KCNJ15: variants seen among roughly 807,000 people sequenced by gnomAD.
KCNJ15 encodes potassium inwardly rectifying channel subfamily J member 15, also known as ATP-sensitive inward rectifier potassium channel 15.
In KCNJ15, 14 loss-of-function variants were observed where a neutral mutation model predicts 23.0. The ratio of observed to expected loss-of-function variants is 0.61; its 90% confidence interval spans 0.40 to 0.95. The LOEUF (loss-of-function observed/expected upper bound fraction) is 0.95. Ranked by LOEUF, KCNJ15 falls within the 40% of genes least tolerant of loss-of-function variation. The pLI is 0.00. For synonymous variants in KCNJ15, 185 were observed against 183.2 expected (o/e 1.01, Z -0.08); for missense variants, 388 against 461.8 (o/e 0.84, Z 1.46).
intron 1 of KCNJ15, among the ~76,000 whole-genome samples, chr21:38,286,715 C>T (rs1983954241): frequency 6.6e-6 from 1 of 152,184 alleles, no homozygotes; most frequent in Non-Finnish European, 1.5e-5. Flanking sequence ...ACTTCATCCA[C>T]AGTCAGATTT....
In KCNJ15 at chr21:38,301,143, C is replaced by G. The variant is rs747503810; in HGVS notation, c.*754C>G. The G allele has an allele frequency of 6.0e-6, 1 of 167,032 alleles. No individual in the cohort carries two copies. 10.3% of individuals were successfully genotyped at this position (167,032 alleles called of 1,614,324 possible). A position where few individuals can be genotyped will look rare whatever the true frequency, so the allele number is the denominator to read the frequency against. ...ACAGACCCGCCACATCAGCACCATC[C>G]GAGAGCTTATTAGTAATGTGTAGAT... On this transcript the variant is annotated 3_prime_UTR_variant, in exon 3 of 3. Transcript: ENST00000398938.
chr21:38,238,881 C>T (rs1431387290), intron 1 of KCNJ15, among the ~76,000 whole-genome samples: 8 of 152,330 alleles, frequency 5.3e-5, no homozygotes, highest in Admixed American at 4.6e-4. Context: ...TAACCTTTCT[C>T]TCTCTCTCAC....
chr21:38,288,030 G>GTTTTTTTTTTTTTTTTTTTTTTTTT (rs71184612), intron 1 of KCNJ15, among the ~76,000 whole-genome samples: 1 of 81,424 alleles, frequency 1.2e-5, no homozygotes, highest in Non-Finnish European at 2.1e-5. Flanking sequence ...TTTTTTCTTT[G>GTTTTTTTTTTTTTTTTTTTTTTTTT]TTTTTTTTTT....
chr21:38,238,711 A>T, intron 1 of KCNJ15: 1 of 424,344 alleles, frequency 2.4e-6, no homozygotes, highest in Non-Finnish European at 4.5e-6. Flanking sequence ...CCTCTGAAAG[A>T]TTGTTCAGAA....
rs1326348009 is a variant in KCNJ15 at position 38,299,583 on chromosome 21, A to C, written c.322A>C (p.Ile108Leu). Reference protein sequence around the residue: ...GEPISNHTPCIMKVDSLTGAF... With the variant: ...GEPISNHTPCLMKVDSLTGAF... ...GCCCATTTCAAATCATACCCCCTGC[A>C]TCATGAAAGTGGACTCTCTCACTGG... Residue 108 changes from isoleucine (I) to leucine (L), a missense_variant, in exon 3 of 3, where the codon ATC (isoleucine) becomes CTC (leucine). Transcript: ENST00000398938. This position sits in a 1 kb window ranked among gnomAD's most constrained non-coding sequence, Gnocchi z 4.5. 1 of 1,614,120 alleles carries C rather than the reference A, an allele frequency of 6.2e-7. No homozygotes were observed. Among genetic ancestry groups the C allele is most frequent in the Non-Finnish European group, 8.5e-7 (1 of 1,180,008 alleles).
At chr21:38,245,810 T>G (rs917586641) in intron 1 of KCNJ15, among the ~76,000 whole-genome samples, 8 of 152,198 alleles carry the variant, frequency 5.3e-5, no homozygotes, top group African/African-American at 1.9e-4. Context: ...TGTTCATTTT[T>G]GGCCATTTTT....
intron 1 of KCNJ15, among the ~76,000 whole-genome samples, chr21:38,293,509 A>G (rs979210077): frequency 1.3e-5 from 2 of 151,972 alleles, no homozygotes; most frequent in Non-Finnish European, 2.9e-5. Context: ...ATCAACCACA[A>G]CCTCCCAAAT....
chr21:38,246,994 A>T (rs1979416802), intron 1 of KCNJ15, among the ~76,000 whole-genome samples: 1 of 152,322 alleles, frequency 6.6e-6, no homozygotes, highest in East Asian at 1.9e-4. Flanking sequence ...TGAAGGATGG[A>T]TGGATGGATG....
At chr21:38,290,338 C>G (rs1265362195) in intron 1 of KCNJ15, among the ~76,000 whole-genome samples, 1 of 123,468 alleles carries the variant, frequency 8.1e-6, no homozygotes, top group Admixed American at 8.3e-5. Flanking sequence ...ATGCAAACCA[C>G]ATTTAGAGAT....
At chr21:38,288,026 C>CTTTTTCTT (rs1171718120) in intron 1 of KCNJ15, among the ~76,000 whole-genome samples, 1 of 78,170 alleles carries the variant, frequency 1.3e-5, no homozygotes, top group Admixed American at 2.0e-4. Flanking sequence ...TTGTTTTTTT[C>CTTTTTCTT]TTTGTTTTTT....
At chr21:38,285,054 T>C (rs766342200) in intron 1 of KCNJ15, among the ~76,000 whole-genome samples, 15 of 152,192 alleles carry the variant, frequency 9.9e-5, no homozygotes, top group Non-Finnish European at 2.2e-4. Flanking sequence ...CTCAATAAAT[T>C]CTTGCCACAC....
In KCNJ15 at chr21:38,245,160, G is replaced by T. The variant is rs1979276944; in HGVS notation, c.-398-11886G>T. On this transcript the variant is annotated intron_variant, in intron 1 of 4. Coordinates refer to the KCNJ15 transcript ENST00000547341. The stretch of plus-strand genomic sequence containing the variant: ...GAGGCTCAGGGGAAGGCAAGGCGGG[G>T]CTGGAGACCTGGATTCTACGTCGGA... 3.3e-5 allele frequency among the ~76,000 whole-genome samples: 5 copies of T among 152,070 alleles called. No individual in the cohort carries two copies. In the South Asian group the frequency reaches 6.2e-4, roughly 19 times the overall value.
At chr21:38,292,651 A>G (rs1410175100) in intron 1 of KCNJ15, among the ~76,000 whole-genome samples, 4 of 152,112 alleles carry the variant, frequency 2.6e-5, no homozygotes, top group African/African-American at 4.8e-5. Flanking sequence ...TCATAGACCA[A>G]CATTCAGAGT....
intron 1 of KCNJ15, chr21:38,238,527 C>T (rs1445196395): frequency 1.1e-5 from 7 of 639,214 alleles, no homozygotes; most frequent in Admixed American, 3.7e-5. Flanking sequence ...CCATCTCCGG[C>T]AATGCCACCG....
At chr21:38,286,884 G>A (rs1459708432) in intron 1 of KCNJ15, among the ~76,000 whole-genome samples, 1 of 152,172 alleles carries the variant, frequency 6.6e-6, no homozygotes, top group Non-Finnish European at 1.5e-5. Context: ...AGCTGCAACT[G>A]TGACTTTGTC....
At chr21:38,277,631 C>G (rs554960906) in intron 1 of KCNJ15, among the ~76,000 whole-genome samples, 25 of 152,272 alleles carry the variant, frequency 1.6e-4, no homozygotes, top group Non-Finnish European at 3.4e-4. Context: ...AGAGCGAGTG[C>G]AGCTTCCAAG....
At chr21:38,298,059 TAG>T (rs1382223564) in intron 2 of KCNJ15, 1 of 152,234 alleles carries the variant, frequency 6.6e-6, no homozygotes, top group Non-Finnish European at 1.5e-5. Flanking sequence ...AAGATTTTTT[TAG>T]TTCCTAAAAT....
chr21:38,243,764 T>G (rs1174525845), intron 1 of KCNJ15, among the ~76,000 whole-genome samples: 1 of 152,204 alleles, frequency 6.6e-6, no homozygotes, highest in Admixed American at 6.5e-5. Flanking sequence ...CATTTTAGCC[T>G]GAAAACAGCC....
At chr21:38,252,791 A>G (rs1369479769), upstream of KCNJ15, among the ~76,000 whole-genome samples, 1 of 152,212 alleles carries the variant, frequency 6.6e-6, no homozygotes, top group Non-Finnish European at 1.5e-5. Flanking sequence ...TCACAGGATT[A>G]ACCATCATAG....
Sources: allele counts gnomAD v4.1 joint callset (sites outside exome capture counted in the v4.1 genomes callset), GRCh38; gene constraint gnomAD v4.1.1; non-coding constraint Gnocchi (gnomAD v3.1); transcripts MANE v1.5; gene names NCBI Gene and HGNC (gene_info 2026-07-23, HGNC 2026-07-21).